Variants in UCN3 observed in about 807,000 individuals in gnomAD.
UCN3 encodes the protein urocortin-3.
A neutral mutation model predicts 3.6 loss-of-function variants in UCN3; 3 were observed. The ratio of observed to expected loss-of-function variants is 0.83; its 90% CI spans 0.38 to 2.15. The LOEUF (loss-of-function observed/expected upper bound fraction) is 2.15. Among genes scored for constraint, UCN3 ranks in the 30% most tolerant of loss-of-function variants. The pLI is 0.06. For synonymous variants in UCN3, 100 were observed against 93.2 expected, an observed-to-expected ratio of 1.07 and a Z score of -0.42; for missense variants, 206 against 208.3, an observed-to-expected ratio of 0.99 and a Z score of 0.07.
chr10:5,370,090 CGT>C (rs1182943947), intron 1 of UCN3, among the ~76,000 whole-genome samples: 1 of 12,888 alleles, frequency 7.8e-5, no homozygotes, highest in African/African-American at 2.7e-4. Context: ...TGTGTATATG[CGT>C]GTGTATATGC....
At position 5,367,839 on chromosome 10, in the gene UCN3, A is replaced by G. The variant is rs1834130650; in HGVS notation, c.-7+2609A>G. On this transcript the variant is annotated intron_variant, in intron 1 of 1. Transcript: ENST00000380433. The surrounding 1 kb of genome is among the most constrained non-coding windows in gnomAD (Gnocchi z 4.3). ...CAGAATGCTGCCCCGGGAAGGAAAT[A>G]GAAAGGAGCAGGGAGGGGTTCCCTG... Among the ~76,000 whole-genome samples, 1 of 152,130 alleles carries G rather than the reference A, an allele frequency of 6.6e-6. No homozygotes were observed. Among genetic ancestry groups the G allele is most frequent in the African/African-American group, 2.4e-5 (1 of 41,422 alleles).
At chr10:5,370,867 G>GTATATGTGTGTATATGTGTGTA (rs1157978595) in intron 1 of UCN3, among the ~76,000 whole-genome samples, 3 of 89,952 alleles carry the variant, frequency 3.3e-5, no homozygotes, top group Admixed American at 2.7e-4. Context: ...GTGTGCGTGT[G>GTATATGTGTGTATATGTGTGTA]TATGTGTGTG....
chr10:5,365,499 G>T lies in UCN3; in HGVS notation c.-7+269G>T, dbSNP rs1834107344. On this transcript the variant is annotated intron_variant, in intron 1 of 1. Transcript: ENST00000380433. This position sits in a 1 kb window ranked among gnomAD's most constrained non-coding sequence, Gnocchi z 4.4. Reference sequence around the variant, plus strand: ...CAAAGGTGTTAGATCAGAGGCAGAAGGTGTTCACACAAATCTGTTTTCTCT... The same window carrying T: ...CAAAGGTGTTAGATCAGAGGCAGAATGTGTTCACACAAATCTGTTTTCTCT... Among the ~76,000 whole-genome samples the T allele has an allele frequency of 6.6e-6, 1 of 152,212 alleles. No individual in the cohort carries two copies. The highest frequency in any genetic ancestry group is 1.5e-5 in the Non-Finnish European group (1 of 68,044).
In UCN3 at chr10:5,370,711, GAT is replaced by G. The variant is rs1491427984; in HGVS notation, c.-6-3003_-6-3002del. On this transcript the variant is annotated intron_variant, in intron 1 of 1. Transcript: ENST00000380433. ...TATGTGTGTATATGTGTGTGTATATGATGTGTGTGTATATGCGTGTGTATATG... is the reference window on the plus strand; with the variant it reads ...TATGTGTGTATATGTGTGTGTATATGGTGTGTGTATATGCGTGTGTATATG... 1.7e-4 allele frequency among the ~76,000 whole-genome samples: 11 copies of G among 65,038 alleles called. 1 individual carries two copies. The highest frequency in any genetic ancestry group is 8.9e-4 in the South Asian group (1 of 1,120). The allele number at this position is 65,038 out of a possible 152,430, so 42.7% of individuals were successfully genotyped here. A position where few individuals can be genotyped will look rare whatever the true frequency, so the allele number is the denominator to read the frequency against.
rs1834119807 is a variant in UCN3 at position 5,366,562 on chromosome 10, C to G, written c.-7+1332C>G. ...AGTTCCTTTTCTTTTATCCTATAAACCCTAAACAAATCTAAACAGATCCTA... is the reference window on the plus strand; with the variant it reads ...AGTTCCTTTTCTTTTATCCTATAAAGCCTAAACAAATCTAAACAGATCCTA... On this transcript the variant is annotated intron_variant, in intron 1 of 1. Coordinates refer to ENST00000380433, the MANE Select transcript of UCN3 (RefSeq NM_053049.4). This position sits in a 1 kb window ranked among gnomAD's most constrained non-coding sequence, Gnocchi z 4.2. 6.6e-6 allele frequency among the ~76,000 whole-genome samples: 1 copy of G among 152,100 alleles called. No homozygotes were observed. Among genetic ancestry groups the G allele is most frequent in the Admixed American group, 6.5e-5 (1 of 15,276 alleles).
At chr10:5,373,000 T>C (rs1483582935) in intron 1 of UCN3, among the ~76,000 whole-genome samples, 1 of 152,072 alleles carries the variant, frequency 6.6e-6, no homozygotes, top group Non-Finnish European at 1.5e-5. Context: ...CCCACACATC[T>C]TAGAGATCAT....
At chr10:5,369,652 A>G (rs1207055422) in intron 1 of UCN3, among the ~76,000 whole-genome samples, 4 of 152,286 alleles carry the variant, frequency 2.6e-5, no homozygotes, top group African/African-American at 9.6e-5. Flanking sequence ...AGCGAGGATC[A>G]TGTGTTTTCT....
At chr10:5,371,475 C>T (rs782352548) in intron 1 of UCN3, among the ~76,000 whole-genome samples, 6 of 152,052 alleles carry the variant, frequency 3.9e-5, no homozygotes, top group African/African-American at 7.3e-5. Context: ...AGTGAAGCAG[C>T]GGGGACTTAC....
At chr10:5,370,936 TTC>T (rs1379247922) in intron 1 of UCN3, among the ~76,000 whole-genome samples, 2 of 130,184 alleles carry the variant, frequency 1.5e-5, no homozygotes, top group African/African-American at 3.1e-5. Context: ...TATATGTGTG[TTC>T]ATGTGTATGT....
At position 5,370,673 on chromosome 10, in the gene UCN3, GTA is replaced by G. The variant is rs1392747807; in HGVS notation, c.-6-3040_-6-3039del. ...TGTGTGTATGTGTGTGTATGTGTGT[GTA>G]TGTGTGTGTGTATGTGTGTATATGT... On this transcript the variant is annotated intron_variant, in intron 1 of 1. Coordinates refer to ENST00000380433, the MANE Select transcript of UCN3 (RefSeq NM_053049.4). Among the ~76,000 whole-genome samples the G allele has an allele frequency of 7.5e-4, 66 of 87,770 alleles. 2 individuals carry two copies. Among genetic ancestry groups the G allele is most frequent in the Admixed American group, 1.3e-3 (10 of 7,584 alleles). 57.6% of individuals were successfully genotyped at this position (87,770 alleles called of 152,430 possible). A position where few individuals can be genotyped will look rare whatever the true frequency, so the allele number is the denominator to read the frequency against.
In UCN3 at chr10:5,365,168, C is replaced by T. The variant is rs1380116080; in HGVS notation, c.-69C>T. Reference sequence around the variant, plus strand: ...ATGGGGACGTGCACGGGGCCGCCCTCCTGGCCCTGAAGCTGCGCCGGCCTC... The same window carrying T: ...ATGGGGACGTGCACGGGGCCGCCCTTCTGGCCCTGAAGCTGCGCCGGCCTC... On this transcript the variant is annotated 5_prime_UTR_variant, in exon 1 of 2. Transcript: ENST00000380433. This position sits in a 1 kb window ranked among gnomAD's most constrained non-coding sequence, Gnocchi z 4.4. 1 of 152,364 alleles carries T rather than the reference C, an allele frequency of 6.6e-6. No individual in the cohort carries two copies. Among genetic ancestry groups the T allele is most frequent in the African/African-American group, 2.4e-5 (1 of 41,470 alleles). The allele number at this position is 152,364 out of a possible 1,614,324, so 9.4% of individuals were successfully genotyped here.
rs1259764748 is a variant in UCN3, at chr10:5,370,631, GTATGTGTGTGTA to G, written c.-6-3070_-6-3059del. On this transcript the variant is annotated intron_variant, in intron 1 of 1. Transcript: ENST00000380433. ...TGTGTATATGCGTGTATATGCGTGT[GTATGTGTGTGTA>G]TATGTGTGTGTATGTGTGTGTATGT... 3.8e-4 allele frequency among the ~76,000 whole-genome samples: 33 copies of G among 87,198 alleles called. 3 individuals carry two copies. The highest frequency in any genetic ancestry group is 7.1e-4 in the Admixed American group (5 of 7,056). 57.2% of individuals were successfully genotyped at this position (87,198 alleles called of 152,430 possible).
intron 1 of UCN3, among the ~76,000 whole-genome samples, chr10:5,370,127 G>GTATGTGTA (rs1831339980): frequency 1.7e-5 from 1 of 59,806 alleles, no homozygotes; most frequent in Non-Finnish European, 3.2e-5. Context: ...GTGTATGTGT[G>GTATGTGTA]TGTATGTGTG....
In UCN3 at chr10:5,366,756, G is replaced by A. The variant is rs1446274863; in HGVS notation, c.-7+1526G>A. ...TCATGTCCAATTCACAGTTCTGGGA[G>A]GTTCCTTTGCTGTGTAACTTTGCAT... On this transcript the variant is annotated intron_variant, in intron 1 of 1. Transcript: ENST00000380433. The surrounding 1 kb of genome is among the most constrained non-coding windows in gnomAD (Gnocchi z 4.2). Among the ~76,000 whole-genome samples, 1 of 152,202 alleles carries A rather than the reference G, an allele frequency of 6.6e-6. No homozygotes were observed. The highest frequency in any genetic ancestry group is 1.5e-5 in the Non-Finnish European group (1 of 68,040).
At chr10:5,370,113 GTGTGTGTA>G (rs1831338642) in intron 1 of UCN3, among the ~76,000 whole-genome samples, 1 of 81,264 alleles carries the variant, frequency 1.2e-5, no homozygotes, top group Non-Finnish European at 2.2e-5. Context: ...GTGTGTATAT[GTGTGTGTA>G]TGTGTGTGTA....
rs1412553900 is a variant in UCN3, at chr10:5,370,612, T to C, written c.-6-3103T>C. Among the ~76,000 whole-genome samples, 4 of 100,800 alleles carry C rather than the reference T, an allele frequency of 4.0e-5. 1 individual carries two copies. The highest frequency in any genetic ancestry group is 1.1e-4 in the Admixed American group (1 of 8,836). The allele number at this position is 100,800 out of a possible 152,430, so 66.1% of individuals were successfully genotyped here. ...ATATGTGTGTGTGTATGCGTGTGTATATGCGTGTATATGCGTGTGTATGTG... is the reference window on the plus strand; with the variant it reads ...ATATGTGTGTGTGTATGCGTGTGTACATGCGTGTATATGCGTGTGTATGTG... On this transcript the variant is annotated intron_variant, in intron 1 of 1. Coordinates refer to ENST00000380433, the MANE Select transcript of UCN3 (RefSeq NM_053049.4).
rs1433264813 is a variant in UCN3 at position 5,366,984 on chromosome 10, T to C, written c.-7+1754T>C. 6.6e-6 allele frequency among the ~76,000 whole-genome samples: 1 copy of C among 152,220 alleles called. No individual in the cohort carries two copies. The highest frequency in any genetic ancestry group is 1.5e-5 in the Non-Finnish European group (1 of 68,038). Reference sequence around the variant, plus strand: ...CCGTGATTACAGTATTCTTCTCTGATGGTAGACTTGGGATTTGAAAAATAA... The same window carrying C: ...CCGTGATTACAGTATTCTTCTCTGACGGTAGACTTGGGATTTGAAAAATAA... On this transcript the variant is annotated intron_variant, in intron 1 of 1. Transcript: ENST00000380433. This position sits in a 1 kb window ranked among gnomAD's most constrained non-coding sequence, Gnocchi z 4.2.
rs142191529 is a variant in UCN3, at chr10:5,374,616, A to C, written c.*410A>C. The C allele has an allele frequency of 1.2e-5, 2 of 166,428 alleles. No homozygotes were observed. Among genetic ancestry groups the C allele is most frequent in the Non-Finnish European group, 2.6e-5 (2 of 76,644 alleles). The allele number at this position is 166,428 out of a possible 1,614,324, so 10.3% of individuals were successfully genotyped here. A position where few individuals can be genotyped will look rare whatever the true frequency, so the allele number is the denominator to read the frequency against. On this transcript the variant is annotated 3_prime_UTR_variant, in exon 2 of 2. Transcript: ENST00000380433. ...CATCAACTTCTTCCAGGGCAGAAAG[A>C]GGAGCTGCAGCACTCGCCTTCCTGC...
chr10:5,372,058 G>A (rs1253394072), intron 1 of UCN3, among the ~76,000 whole-genome samples: 4 of 152,198 alleles, frequency 2.6e-5, no homozygotes, highest in Admixed American at 6.5e-5. Flanking sequence ...GACGGCAGCC[G>A]TGCTTTCTCT....
Sources: allele counts gnomAD v4.1 joint callset (sites outside exome capture counted in the v4.1 genomes callset), GRCh38; gene constraint gnomAD v4.1.1; non-coding constraint Gnocchi (gnomAD v3.1); transcripts MANE v1.5; gene names NCBI Gene and HGNC (gene_info 2026-07-23, HGNC 2026-07-21).